The following RAB27B variants were observed in gnomAD, a reference collection of about 807,000 sequenced individuals.
RAB27B encodes RAB27B, member RAS oncogene family.
A neutral mutation model predicts 24.6 loss-of-function variants in RAB27B; 15 were observed. The observed-to-expected ratio is 0.61, with a 90% CI of 0.41 to 0.94. The LOEUF (loss-of-function observed/expected upper bound fraction) is 0.94, where lower values mean the gene tolerates loss of function less well. RAB27B is among the 40% of genes least tolerant of loss of function. The pLI is 0.00. For missense variants in RAB27B, 261 were observed against 266.8 expected (o/e 0.98, Z 0.15); for synonymous variants, 105 against 92.5 (o/e 1.14, Z -0.78).
At chr18:54,756,978 G>A (rs1161528399) in intron 2 of RAB27B, among the ~76,000 whole-genome samples, 2 of 152,110 alleles carry the variant, frequency 1.3e-5, no homozygotes, top group Non-Finnish European at 2.9e-5. Flanking sequence ...CAAGTGGTAT[G>A]GGGTTCAGAT....
chr18:54,814,810 C>G (rs1026974127), intron 2 of RAB27B, among the ~76,000 whole-genome samples: 2 of 152,130 alleles, frequency 1.3e-5, no homozygotes. Context: ...AGTATATATA[C>G]TACAAATAGT....
At chr18:54,841,936 CA>C (rs912639233) in intron 1 of RAB27B, among the ~76,000 whole-genome samples, 3 of 152,312 alleles carry the variant, frequency 2.0e-5, no homozygotes, top group Non-Finnish European at 4.4e-5. Context: ...AGGATTTAGA[CA>C]ATTCACAGGG....
chr18:54,719,537 A>C (rs1412467267), intron 2 of RAB27B, among the ~76,000 whole-genome samples: 6 of 152,064 alleles, frequency 3.9e-5, no homozygotes, highest in Non-Finnish European at 8.8e-5. Context: ...AAACATGTTT[A>C]TATTGCTATA....
chr18:54,760,787 T>C (rs1908162123), intron 2 of RAB27B, among the ~76,000 whole-genome samples: 1 of 152,126 alleles, frequency 6.6e-6, no homozygotes, highest in Non-Finnish European at 1.5e-5. Context: ...ACAATGAGGA[T>C]GCCATGTTTG....
rs144704459 is a variant in RAB27B at position 54,822,261 on chromosome 18, A to G, written c.-19-55306A>G. On this transcript the variant is annotated intron_variant, in intron 2 of 4. Coordinates refer to the RAB27B transcript ENST00000586570. ...TATTTGCTTGAAATTATATTAATCA[A>G]TGTTAGTTTAGATGCCTGAAAAAAA... Among the ~76,000 whole-genome samples, 672 of 152,294 alleles carry G rather than the reference A, an allele frequency of 4.4e-3. 6 individuals carry two copies. The highest frequency in any genetic ancestry group is 0.015 in the African/African-American group (631 of 41,576).
chr18:54,730,555 G>A (rs908318860), intron 2 of RAB27B, among the ~76,000 whole-genome samples: 2 of 151,984 alleles, frequency 1.3e-5, no homozygotes, highest in East Asian at 1.9e-4. Flanking sequence ...CAGTGTTGGA[G>A]GTGGGGCCCG....
At chr18:54,721,408 A>G (rs1387552291) in intron 2 of RAB27B, among the ~76,000 whole-genome samples, 1 of 152,212 alleles carries the variant, frequency 6.6e-6, no homozygotes, top group Admixed American at 6.5e-5. Flanking sequence ...AATATTAATC[A>G]TGATTTCACA....
At position 54,771,637 on chromosome 18, in the gene RAB27B, T is replaced by A. The variant is rs935295372; in HGVS notation, c.-20+53496T>A. Among the ~76,000 whole-genome samples the A allele has an allele frequency of 3.4e-4, 44 of 130,468 alleles. 1 individual carries two copies. The highest frequency in any genetic ancestry group is 1.0e-3 in the African/African-American group (36 of 34,366). The allele number at this position is 130,468 out of a possible 152,430, so 85.6% of individuals were successfully genotyped here. On this transcript the variant is annotated intron_variant, in intron 2 of 4. Transcript: ENST00000586570. ...GTGTGTGTGTGTGTGTGTGTGTGTG[T>A]GATGGCTCTAAAAAGACTTTGTAAA...
At chr18:54,791,571 G>T (rs1380626333) in intron 2 of RAB27B, among the ~76,000 whole-genome samples, 1 of 152,170 alleles carries the variant, frequency 6.6e-6, no homozygotes, top group African/African-American at 2.4e-5. Context: ...GAAGGGAGGT[G>T]CTGGGTAGAG....
At chr18:54,856,036 G>C (rs974669726) in intron 1 of RAB27B, among the ~76,000 whole-genome samples, 1 of 152,210 alleles carries the variant, frequency 6.6e-6, no homozygotes, top group Non-Finnish European at 1.5e-5. Flanking sequence ...CCTTCCTAGA[G>C]CTTGCACCCT....
intron 2 of RAB27B, among the ~76,000 whole-genome samples, chr18:54,739,004 A>C (rs1909987638): frequency 6.6e-6 from 1 of 152,162 alleles, no homozygotes; most frequent in Non-Finnish European, 1.5e-5. Context: ...TTGTCACTGC[A>C]AGTTGATTTG....
intron 2 of RAB27B, among the ~76,000 whole-genome samples, chr18:54,731,566 C>T (rs1421689477): frequency 3.9e-5 from 6 of 152,128 alleles, no homozygotes; most frequent in Admixed American, 3.9e-4. Flanking sequence ...ACTAAAAATA[C>T]AAAATTAGCC....
At chr18:54,725,102 A>G (rs907635345) in intron 2 of RAB27B, among the ~76,000 whole-genome samples, 4 of 151,462 alleles carry the variant, frequency 2.6e-5, no homozygotes, top group Admixed American at 6.6e-5. Context: ...TGCAGAGGGA[A>G]GAATATGGTT....
At chr18:54,809,172 G>A (rs79164526) in intron 2 of RAB27B, among the ~76,000 whole-genome samples, 2,112 of 152,268 alleles carry the variant, frequency 0.014, 44 homozygotes, top group African/African-American at 0.048. Context: ...CCTTGCCTCA[G>A]GGAATAATTA....
At chr18:54,822,858 T>A (rs951137285) in intron 2 of RAB27B, among the ~76,000 whole-genome samples, 2 of 152,234 alleles carry the variant, frequency 1.3e-5, no homozygotes, top group African/African-American at 4.8e-5. Flanking sequence ...TCATCAAGGC[T>A]ATATGTGAAC....
At chr18:54,804,774 G>A (rs1167620163) in intron 2 of RAB27B, among the ~76,000 whole-genome samples, 1 of 151,986 alleles carries the variant, frequency 6.6e-6, no homozygotes, top group Non-Finnish European at 1.5e-5. Context: ...TGGGATCTCT[G>A]GGTGAGGTAT....
chr18:54,744,625 C>T (rs142359293), intron 2 of RAB27B: 2 of 152,006 alleles, frequency 1.3e-5, no homozygotes, highest in African/African-American at 4.8e-5. Flanking sequence ...ACAATATACC[C>T]CATAATTATG....
At chr18:54,796,808 C>A (rs1909436019) in intron 2 of RAB27B, among the ~76,000 whole-genome samples, 1 of 152,156 alleles carries the variant, frequency 6.6e-6, no homozygotes, top group Admixed American at 6.5e-5. Context: ...CAAACACAGG[C>A]CCGAGGGTGG....
chr18:54,812,591 A>T (rs1385735191), intron 2 of RAB27B, among the ~76,000 whole-genome samples: 1 of 146,318 alleles, frequency 6.8e-6, no homozygotes, highest in Non-Finnish European at 1.5e-5. Context: ...ACACACACAC[A>T]CACTCTTATG....
Sources: allele counts gnomAD v4.1 joint callset (sites outside exome capture counted in the v4.1 genomes callset), GRCh38; gene constraint gnomAD v4.1.1; transcripts MANE v1.5; gene names NCBI Gene and HGNC (gene_info 2026-07-23, HGNC 2026-07-21).